Variants in PDE4D observed in about 807,000 individuals in gnomAD.
PDE4D encodes 3',5'-cyclic-AMP phosphodiesterase 4D.
In PDE4D, 24 loss-of-function variants were observed where a neutral mutation model predicts 87.4. The ratio of observed to expected loss-of-function variants is 0.27; its 90% CI spans 0.20 to 0.39. The LOEUF (loss-of-function observed/expected upper bound fraction) is 0.39, where lower values mean the gene tolerates loss of function less well. Among genes scored for constraint, PDE4D ranks in the 10% least tolerant of loss-of-function variants. PDE4D has a pLI of 1.00. For synonymous variants in PDE4D, 384 were observed against 383.2 expected (o/e 1.00, Z -0.02); for missense variants, 714 against 1,041.0 (o/e 0.69, Z 4.32).
intron 2 of PDE4D, among the ~76,000 whole-genome samples, chr5:60,172,119 T>TCACA (rs1783504678): frequency 1.4e-5 from 2 of 146,984 alleles, no homozygotes; most frequent in Non-Finnish European, 3.0e-5. Flanking sequence ...TATATTATAT[T>TCACA]ATATATATAA....
At chr5:60,046,426 G>A (rs1169284388) in intron 2 of PDE4D, among the ~76,000 whole-genome samples, 2 of 152,192 alleles carry the variant, frequency 1.3e-5, no homozygotes, top group African/African-American at 2.4e-5. Flanking sequence ...GGTGAGAGAA[G>A]GCATCCCTGT....
At chr5:59,760,331 T>G (rs572228830) in intron 1 of PDE4D, among the ~76,000 whole-genome samples, 1 of 152,314 alleles carries the variant, frequency 6.6e-6, no homozygotes, top group East Asian at 1.9e-4. Context: ...CTAAAAGGCC[T>G]TTTGAAAGTC....
At chr5:60,443,536 T>C (rs1255955242) in intron 1 of PDE4D, among the ~76,000 whole-genome samples, 1 of 152,048 alleles carries the variant, frequency 6.6e-6, no homozygotes, top group African/African-American at 2.4e-5. Flanking sequence ...GTAGAAGAAT[T>C]TGAGGAGTGA....
chr5:59,451,265 T>A (rs1469938844), intron 1 of PDE4D, among the ~76,000 whole-genome samples: 1 of 152,250 alleles, frequency 6.6e-6, no homozygotes, highest in African/African-American at 2.4e-5. Context: ...GTCTTTCATT[T>A]CAGCTTTGTC....
intron 1 of PDE4D, among the ~76,000 whole-genome samples, chr5:59,444,058 T>G (rs941259346): frequency 3.3e-5 from 5 of 152,220 alleles, no homozygotes; most frequent in Admixed American, 3.3e-4. Flanking sequence ...TCTCCAGTGC[T>G]TTTCTGCAAC....
chr5:59,880,018 C>A (rs1376824183), intron 1 of PDE4D, among the ~76,000 whole-genome samples: 2 of 152,192 alleles, frequency 1.3e-5, no homozygotes, highest in African/African-American at 4.8e-5. Context: ...GCATTGCAAG[C>A]GTGAGCCACT....
chr5:59,215,624 C>A, intron 2 of PDE4D, 153 bp downstream of exon 2: 3 of 573,476 alleles, frequency 5.2e-6, no homozygotes, highest in East Asian at 3.2e-5. Flanking sequence ...GTTAAATCTA[C>A]CATTCATTTC....
At position 59,144,256 on chromosome 5, in the gene PDE4D, CCT is replaced by C. The variant is rs1347959250; in HGVS notation, c.808+36337_808+36338del. 7.2e-5 allele frequency among the ~76,000 whole-genome samples: 11 copies of C among 152,314 alleles called. No individual in the cohort carries two copies. The East Asian group carries it at 1.9e-3, about 27-fold the overall frequency. ...AGTTCTGACCTCTGACCAACCATGA[CCT>C]CTCTGAGTACTGAGACTAGTCACTG... On this transcript the variant is annotated intron_variant, in intron 5 of 14. Transcript: ENST00000340635.
At chr5:59,481,959 TC>T (rs1274927305) in intron 1 of PDE4D, among the ~76,000 whole-genome samples, 2 of 152,100 alleles carry the variant, frequency 1.3e-5, no homozygotes, top group Admixed American at 6.6e-5. Context: ...TTGCATACCT[TC>T]CCCACTGCAG....
chr5:58,998,973 T>G, intron 6 of PDE4D, among the ~76,000 whole-genome samples: 1 of 140,756 alleles, frequency 7.1e-6, no homozygotes, highest in Non-Finnish European at 1.7e-5. Flanking sequence ...GCAAGTATAA[T>G]AGACAATCAA....
At chr5:60,020,282 A>T (rs1052938314) in intron 2 of PDE4D, among the ~76,000 whole-genome samples, 1 of 152,218 alleles carries the variant, frequency 6.6e-6, no homozygotes, top group African/African-American at 2.4e-5. Context: ...TAACACCGTA[A>T]CAAATATAAT....
chr5:60,158,821 G>A (rs933848276), intron 2 of PDE4D, among the ~76,000 whole-genome samples: 1 of 152,022 alleles, frequency 6.6e-6, no homozygotes, highest in African/African-American at 2.4e-5. Flanking sequence ...CGCCCGCCTC[G>A]GCCTCCCAAA....
chr5:60,018,967 C>CTCTA (rs1765777174), intron 2 of PDE4D, among the ~76,000 whole-genome samples: 1 of 152,114 alleles, frequency 6.6e-6, no homozygotes, highest in African/African-American at 2.4e-5. Flanking sequence ...CTGAACTCAG[C>CTCTA]TCTAGGTCAA....
At chr5:59,065,993 T>C (rs1013090470) in intron 5 of PDE4D, among the ~76,000 whole-genome samples, 5 of 152,150 alleles carry the variant, frequency 3.3e-5, no homozygotes, top group African/African-American at 1.2e-4. Flanking sequence ...TAAAAGCATT[T>C]TTACCTTAAG....
At chr5:59,631,163 T>C (rs910078381) in intron 1 of PDE4D, among the ~76,000 whole-genome samples, 1 of 152,204 alleles carries the variant, frequency 6.6e-6, no homozygotes, top group Non-Finnish European at 1.5e-5. Flanking sequence ...TCATTTTATC[T>C]CATAATGACA....
intron 1 of PDE4D, among the ~76,000 whole-genome samples, chr5:59,822,338 T>G (rs994435553): frequency 1.9e-4 from 29 of 152,298 alleles, no homozygotes; most frequent in Middle Eastern, 6.8e-3. Flanking sequence ...ATTGTAATTT[T>G]TAAATTTTGT....
intron 1 of PDE4D, among the ~76,000 whole-genome samples, chr5:59,607,805 C>A (rs139512659): frequency 6.6e-6 from 1 of 152,046 alleles, no homozygotes; most frequent in Non-Finnish European, 1.5e-5. Context: ...GCTATCCATG[C>A]GCTTCTAACA....
chr5:59,312,340 T>G lies in PDE4D; in HGVS notation c.456-96372A>C, dbSNP rs765861671. Among the ~76,000 whole-genome samples, 62 of 152,168 alleles carry G rather than the reference T, an allele frequency of 4.1e-4. 2 individuals are homozygous for G. Among genetic ancestry groups the G allele is most frequent in the Non-Finnish European group, 2.6e-4 (18 of 68,034 alleles). On this transcript the variant is annotated intron_variant, in intron 1 of 14. Coordinates refer to ENST00000340635, the MANE Select transcript of PDE4D (RefSeq NM_001104631.2). ...AGACAGACCATCTGCGGAGCAGCAA[T>G]CCACTGTCGAAATGACTTACACCTG...
At chr5:59,324,744 C>G (rs187664430) in intron 1 of PDE4D, among the ~76,000 whole-genome samples, 275 of 152,152 alleles carry the variant, frequency 1.8e-3, no homozygotes, top group African/African-American at 6.4e-3. Context: ...GACTTGGAGC[C>G]TCCCACCTCA....
Sources: allele counts gnomAD v4.1 joint callset (sites outside exome capture counted in the v4.1 genomes callset), GRCh38; gene constraint gnomAD v4.1.1; transcripts MANE v1.5; gene names NCBI Gene and HGNC (gene_info 2026-07-23, HGNC 2026-07-21).